Variants in ZNF609 observed in about 807,000 individuals in gnomAD.
ZNF609 encodes zinc finger protein 609.
In ZNF609, 11 loss-of-function variants were observed where a neutral mutation model predicts 109.5. The ratio of observed to expected loss-of-function variants is 0.10; its 90% CI spans 0.06 to 0.17. ZNF609 has a LOEUF of 0.17. Ranked by LOEUF, ZNF609 falls within the 10% of genes least tolerant of loss-of-function variation. The pLI is 1.00. For missense variants in ZNF609, 1,559 were observed against 1,772.4 expected (o/e 0.88, Z 2.16); for synonymous variants, 646 against 662.0 (o/e 0.98, Z 0.37).
chr15:64,638,046 T>TATATATA (rs1896202824), intron 3 of ZNF609, among the ~76,000 whole-genome samples: 1 of 146,174 alleles, frequency 6.8e-6, no homozygotes, highest in African/African-American at 2.5e-5. Flanking sequence ...TATATATATA[T>TATATATA]ATGTATTTAC....
intron 2 of ZNF609, among the ~76,000 whole-genome samples, chr15:64,559,189 G>T (rs973140538): frequency 6.6e-6 from 1 of 152,174 alleles, no homozygotes; most frequent in African/African-American, 2.4e-5. Flanking sequence ...GACCAAGGAG[G>T]TGCTTGTTGT....
At chr15:64,555,419 C>A (rs56305710) in intron 2 of ZNF609, among the ~76,000 whole-genome samples, 1 of 152,074 alleles carries the variant, frequency 6.6e-6, no homozygotes, top group South Asian at 2.1e-4. Flanking sequence ...AATCCCAGCA[C>A]TTTGGAGGCC....
At chr15:64,468,843 G>C (rs1893050560) in intron 1 of ZNF609, among the ~76,000 whole-genome samples, 1 of 152,074 alleles carries the variant, frequency 6.6e-6, no homozygotes, top group Non-Finnish European at 1.5e-5. Flanking sequence ...CTGTTTTCAT[G>C]TGCCTCATCT....
intron 2 of ZNF609, among the ~76,000 whole-genome samples, chr15:64,506,909 C>A (rs1343318914): frequency 6.6e-6 from 1 of 152,086 alleles, no homozygotes; most frequent in Non-Finnish European, 1.5e-5. Flanking sequence ...TACAGGAATC[C>A]CAGTATGAAT....
chr15:64,652,838 T>G (rs1804345212), intron 3 of ZNF609: 1 of 152,602 alleles, frequency 6.6e-6, no homozygotes, highest in South Asian at 2.1e-4. Context: ...CTAGTTCAAT[T>G]TAGATTTTTC....
chr15:64,567,130 A>C (rs1390550635), intron 2 of ZNF609, among the ~76,000 whole-genome samples: 2 of 152,234 alleles, frequency 1.3e-5, no homozygotes, highest in Non-Finnish European at 2.9e-5. Context: ...ATACTTTAAA[A>C]GCAGGCTTTT....
At chr15:64,558,107 C>T (rs913158788) in intron 2 of ZNF609, among the ~76,000 whole-genome samples, 3 of 152,110 alleles carry the variant, frequency 2.0e-5, no homozygotes, top group Non-Finnish European at 2.9e-5. Flanking sequence ...TAAGTAGCCC[C>T]AGCTTAATAT....
At chr15:64,587,803 T>G (rs1251904143) in intron 2 of ZNF609, among the ~76,000 whole-genome samples, 1 of 152,130 alleles carries the variant, frequency 6.6e-6, no homozygotes, top group Non-Finnish European at 1.5e-5. Context: ...TGATTGTCTA[T>G]GGATGTGGTG....
At chr15:64,499,244 C>T (rs1349468162) in intron 1 of ZNF609, 49 bp from the exon 2 acceptor site, 1 of 767,790 alleles carries the variant, frequency 1.3e-6, no homozygotes, top group Non-Finnish European at 2.0e-6. Context: ...TCAGGCGTCT[C>T]TTGCCTGTAT....
chr15:64,551,535 C>T (rs1894473686), intron 2 of ZNF609, among the ~76,000 whole-genome samples: 1 of 151,744 alleles, frequency 6.6e-6, no homozygotes, highest in African/African-American at 2.4e-5. Context: ...GCCTGTAATC[C>T]CAGCTACTCG....
At chr15:64,461,405 C>A (rs548563777) in intron 1 of ZNF609, among the ~76,000 whole-genome samples, 1 of 152,160 alleles carries the variant, frequency 6.6e-6, no homozygotes, top group African/African-American at 2.4e-5. Context: ...GATCCCTGGG[C>A]CTGGACCTCA....
chr15:64,648,988 A>G (rs746735259), intron 3 of ZNF609, among the ~76,000 whole-genome samples: 5 of 152,132 alleles, frequency 3.3e-5, no homozygotes, highest in Non-Finnish European at 7.3e-5. Context: ...TACTTACTGC[A>G]AAGTATACAG....
intron 1 of ZNF609, among the ~76,000 whole-genome samples, chr15:64,473,090 T>C (rs1057210205): frequency 5.9e-5 from 9 of 152,092 alleles, no homozygotes; most frequent in African/African-American, 2.2e-4. Context: ...CTTTCAGATG[T>C]ACTTCCCGTT....
At chr15:64,493,933 T>G (rs915693243) in intron 1 of ZNF609, among the ~76,000 whole-genome samples, 1 of 152,162 alleles carries the variant, frequency 6.6e-6, no homozygotes, top group Non-Finnish European at 1.5e-5. Context: ...AGATGGGAAG[T>G]GGTTTGGCTG....
chr15:64,501,906 T>G (rs1171457842), intron 2 of ZNF609: 3 of 152,252 alleles, frequency 2.0e-5, no homozygotes, highest in Non-Finnish European at 4.4e-5. Flanking sequence ...TGGAACCCAT[T>G]TTCTCACATA....
chr15:64,637,433 T>C (rs1326075396), intron 3 of ZNF609, among the ~76,000 whole-genome samples: 2 of 152,196 alleles, frequency 1.3e-5, no homozygotes, highest in Admixed American at 6.6e-5. Context: ...TCATAAGGTA[T>C]GTGTATGATC....
chr15:64,609,130 T>TTCTTTCTTTTTCTTTCTTTC (rs750700444), intron 2 of ZNF609, among the ~76,000 whole-genome samples: 1 of 84,120 alleles, frequency 1.2e-5, no homozygotes, highest in African/African-American at 4.4e-5. Context: ...CTTTCTTTCT[T>TTCTTTCTTTTTCTTTCTTTC]TTTTTCTTTC....
At chr15:64,573,000 G>A (rs1431380814) in intron 2 of ZNF609, among the ~76,000 whole-genome samples, 1 of 152,164 alleles carries the variant, frequency 6.6e-6, no homozygotes, top group Non-Finnish European at 1.5e-5. Context: ...CTAGATTTTG[G>A]CCTCCTCTTG....
At position 64,617,210 on chromosome 15, in the gene ZNF609, C is replaced by T. The variant is rs1271868837; in HGVS notation, c.748-5617C>T. Among the ~76,000 whole-genome samples, 5 of 151,162 alleles carry T rather than the reference C, an allele frequency of 3.3e-5. No individual in the cohort carries two copies. In the South Asian group the frequency reaches 8.3e-4, roughly 25 times the overall value. On this transcript the variant is annotated intron_variant, in intron 2 of 9. Transcript: ENST00000326648. ...TTTTTGTTTTTGTTTTTTTTGGAGA[C>T]AAAATTTCACTGTATTGCCCAGGCT...
Sources: gnomAD v4.1 joint callset for allele counts (sites outside exome capture counted in the v4.1 genomes callset) on GRCh38, gnomAD v4.1.1 for gene constraint, MANE v1.5 for transcripts, NCBI Gene and HGNC (gene_info 2026-07-23, HGNC 2026-07-21) for gene names.